Variants in DCC observed in about 807,000 individuals in gnomAD.
The protein encoded by DCC is netrin receptor DCC.
In DCC, 58 loss-of-function variants were observed where a neutral mutation model predicts 172.5. The observed-to-expected ratio is 0.34, with a 90% confidence interval of 0.27 to 0.42. The LOEUF is 0.42. Ranked by LOEUF, DCC falls within the 10% of genes least tolerant of loss-of-function variation. DCC has a pLI of 1.00. For missense variants in DCC, 1,740 were observed against 1,791.0 expected (o/e 0.97, Z 0.51); for synonymous variants, 709 against 644.5 (o/e 1.10, Z -1.52).
chr18:53,397,896 G>T (rs1046852027), intron 18 of DCC, among the ~76,000 whole-genome samples: 1 of 152,142 alleles, frequency 6.6e-6, no homozygotes, highest in East Asian at 1.9e-4. Context: ...AATAACCTTG[G>T]CTGGATATGG....
At chr18:52,980,068 G>C (rs529969819) in intron 5 of DCC, among the ~76,000 whole-genome samples, 1 of 152,170 alleles carries the variant, frequency 6.6e-6, no homozygotes, top group Non-Finnish European at 1.5e-5. Flanking sequence ...ATCTGCCCCC[G>C]CCACCCCCAA....
intron 2 of DCC, among the ~76,000 whole-genome samples, chr18:52,793,367 T>C (rs1485513166): frequency 6.6e-6 from 1 of 152,190 alleles, no homozygotes; most frequent in Non-Finnish European, 1.5e-5. Flanking sequence ...GGCTCAACTT[T>C]ACAGGCTATT....
chr18:52,870,136 G>C (rs1026827581), intron 2 of DCC, among the ~76,000 whole-genome samples: 1 of 152,166 alleles, frequency 6.6e-6, no homozygotes, highest in Non-Finnish European at 1.5e-5. Context: ...CACTGGCTCC[G>C]GGGAGTGCTG....
At chr18:53,065,944 C>T (rs775914222) in intron 6 of DCC, 102 bp from the exon 7 acceptor site, 4 of 1,420,078 alleles carry the variant, frequency 2.8e-6, no homozygotes, top group Non-Finnish European at 4.0e-6. Flanking sequence ...CCTCTTGTTT[C>T]TTCTGTGCTG....
rs1032768352 is a variant in DCC, at chr18:53,459,248, A to T, written c.3409A>T (p.Ser1137Cys). 9.3e-6 allele frequency: 15 copies of T among 1,613,860 alleles called. No individual in the cohort carries two copies. The highest frequency in any genetic ancestry group is 6.7e-5 in the Admixed American group (4 of 59,980). The change falls in exon 24 of 29, where the codon AGT becomes TGT. Residue 1137 changes from serine (S) to cysteine (C), a missense_variant. By Grantham distance (112) the Ser-to-Cys change is moderately radical. This residue lies in a region of DCC where 1,732 missense variants were observed against 1,767.4 expected (regional missense o/e 0.98). Transcript: ENST00000442544. ...AQQRKKRATH[S>C]AGKRKGSQKD... ...GTTCCATAGGAAACGGGCCACCCAC[A>T]GTGCTGGCAAAAGGAAGGGCAGCCA... is the stretch of plus-strand genomic sequence containing the variant.
intron 2 of DCC, among the ~76,000 whole-genome samples, chr18:52,768,543 G>A (rs1340118857): frequency 6.6e-6 from 1 of 152,130 alleles, no homozygotes; most frequent in African/African-American, 2.4e-5. Flanking sequence ...ATTTTACCAC[G>A]ACAAAAACCT....
rs1253041630 is a variant in DCC at position 53,441,811 on chromosome 18, A to G, written c.3229+6602A>G. Among the ~76,000 whole-genome samples, 3 of 152,178 alleles carry G rather than the reference A, an allele frequency of 2.0e-5. No individual in the cohort carries two copies. In the South Asian group the frequency reaches 6.2e-4, roughly 31 times the overall value. ...CAGCCAGAGTGGTCTTCTTAAAACAAATCACGTCTGTTTCTGGCTTGCTGA... is the reference window on the plus strand; with the variant it reads ...CAGCCAGAGTGGTCTTCTTAAAACAGATCACGTCTGTTTCTGGCTTGCTGA... On this transcript the variant is annotated intron_variant, in intron 22 of 28. Coordinates refer to ENST00000442544, the MANE Select transcript of DCC (RefSeq NM_005215.4).
intron 2 of DCC, among the ~76,000 whole-genome samples, chr18:52,761,908 C>CAAA (rs1222086354): frequency 0.1 from 4,816 of 48,214 alleles, 467 homozygotes; most frequent in African/African-American, 0.27. Context: ...GACTCTGTCT[C>CAAA]AAAAAAAAAA....
At chr18:52,555,336 A>C (rs12454853) in intron 1 of DCC, among the ~76,000 whole-genome samples, 5,701 of 152,234 alleles carry the variant, frequency 0.037, 183 homozygotes, top group East Asian at 0.11. Flanking sequence ...TGTGCTGTGG[A>C]GAATTTCAGG....
intron 1 of DCC, among the ~76,000 whole-genome samples, chr18:52,603,591 T>TACACACACACACACAC (rs10553153): frequency 3.2e-4 from 46 of 144,700 alleles, no homozygotes; most frequent in Middle Eastern, 3.5e-3. Context: ...GTGAAGTTAA[T>TACACACACACACACAC]ACACACACAC....
Position 53,036,733 on chromosome 18 carries a change from G to A in DCC, c.986-26572G>A, listed in dbSNP as rs563135182. ...AATCCTATCTGCTTTTTAATTGTGC[G>A]TGGAGAAGGCAAATGAGAAAGCAGA... On this transcript the variant is annotated intron_variant, in intron 5 of 28. Coordinates refer to ENST00000442544, the MANE Select transcript of DCC (RefSeq NM_005215.4). Among the ~76,000 whole-genome samples, 92 of 152,140 alleles carry A rather than the reference G, an allele frequency of 6.0e-4. No homozygotes were observed. The Middle Eastern group carries it at 0.017, about 28-fold the overall frequency.
At chr18:52,480,822 T>C (rs2029928602) in intron 1 of DCC, among the ~76,000 whole-genome samples, 1 of 152,170 alleles carries the variant, frequency 6.6e-6, no homozygotes, top group African/African-American at 2.4e-5. Flanking sequence ...TTCACTATGG[T>C]ATTTGAGATT....
At chr18:53,091,654 A>G (rs939753335) in intron 7 of DCC, among the ~76,000 whole-genome samples, 1 of 151,636 alleles carries the variant, frequency 6.6e-6, no homozygotes, top group African/African-American at 2.4e-5. Context: ...CTCTTTTATA[A>G]GAGCACAAAT....
chr18:53,154,450 C>T (rs575202755), intron 7 of DCC, among the ~76,000 whole-genome samples: 2 of 152,076 alleles, frequency 1.3e-5, no homozygotes, highest in South Asian at 2.1e-4. Flanking sequence ...TGAAGCTTGC[C>T]CTGAAGACGA....
At chr18:52,691,277 C>T (rs556962864) in intron 1 of DCC, among the ~76,000 whole-genome samples, 2 of 152,222 alleles carry the variant, frequency 1.3e-5, no homozygotes, top group East Asian at 3.9e-4. Context: ...CCTGCAGGAA[C>T]ATCAGTGCCC....
At chr18:52,708,016 C>A (rs958215569) in intron 1 of DCC, among the ~76,000 whole-genome samples, 1 of 152,060 alleles carries the variant, frequency 6.6e-6, no homozygotes, top group South Asian at 2.1e-4. Context: ...GTTTTCACCA[C>A]AAAAAATCAG....
chr18:53,452,990 A>G, intron 23 of DCC, among the ~76,000 whole-genome samples: 1 of 152,064 alleles, frequency 6.6e-6, no homozygotes, highest in Non-Finnish European at 1.5e-5. Context: ...ATCTCAGCTC[A>G]CTGCAACCTC....
intron 2 of DCC, among the ~76,000 whole-genome samples, chr18:52,896,027 C>T (rs140292624): frequency 5.3e-5 from 8 of 152,214 alleles, no homozygotes; most frequent in African/African-American, 7.2e-5. Flanking sequence ...TCAGGTGATT[C>T]GCCTGCTTAG....
intron 1 of DCC, among the ~76,000 whole-genome samples, chr18:52,424,510 A>C (rs1987357822): frequency 6.6e-6 from 1 of 152,144 alleles, no homozygotes; most frequent in Admixed American, 6.6e-5. Flanking sequence ...GCTTTTATCA[A>C]ATAAGTAGGG....
Sources: gnomAD v4.1 joint callset for allele counts (sites outside exome capture counted in the v4.1 genomes callset) on GRCh38, gnomAD v4.1.1 for gene constraint, gnomAD v4.1.1 regional missense constraint, MANE v1.5 for transcripts, NCBI Gene and HGNC (gene_info 2026-07-23, HGNC 2026-07-21) for gene names.